PRKCG: variants seen among roughly 807,000 people sequenced by gnomAD.
PRKCG encodes the protein protein kinase C gamma, also known as protein kinase C gamma type.
A neutral mutation model predicts 82.0 loss-of-function variants in PRKCG; 28 were observed. The observed-to-expected ratio is 0.34, with a 90% CI of 0.25 to 0.47. The LOEUF (loss-of-function observed/expected upper bound fraction) is 0.47. PRKCG is among the 20% of genes least tolerant of loss of function. The probability of loss-of-function intolerance (pLI) is 1.00; values close to 1 mark genes in which losing one functional copy is unlikely to be tolerated. For synonymous variants in PRKCG, 383 were observed against 376.6 expected (o/e 1.02, Z -0.20); for missense variants, 640 against 952.7 (o/e 0.67, Z 4.32).
In PRKCG at chr19:53,900,445, G is replaced by C. The variant is rs1172209951; in HGVS notation, c.1400G>C (p.Gly467Ala). The C allele has an allele frequency of 6.2e-7, 1 of 1,614,036 alleles. No homozygotes were observed. The highest frequency in any genetic ancestry group is 8.5e-7 in the Non-Finnish European group (1 of 1,180,042). The change falls in exon 13 of 18, where the codon GGC becomes GCC. Residue 467 changes from glycine to alanine, a missense_variant. Around this residue, in one of 7 missense-constraint regions of PRKCG, gnomAD observed 78 missense variants for 105.6 expected, o/e 0.74. Transcript: ENST00000263431. The surrounding 1 kb of genome is among the most constrained non-coding windows in gnomAD (Gnocchi z 4.2). ...AAFYAAEIAI[G>A]LFFLHNQGII... The stretch of plus-strand genomic sequence containing the variant: ...TTCTACGCGGCAGAAATCGCTATCG[G>C]CCTCTTCTTCCTTCACAATCAGGGC...
chr19:53,888,543 C>G (rs774958927), intron 3 of PRKCG, among the ~76,000 whole-genome samples: 9 of 152,174 alleles, frequency 5.9e-5, no homozygotes, highest in Non-Finnish European at 1.3e-4. Flanking sequence ...CCAAATCACA[C>G]AGCTGAGAAG....
rs1432953948 is a variant in PRKCG at position 53,906,868 on chromosome 19, C to A, written c.2067C>A (p.Thr689=). The part of the protein sequence containing the change: ...DFVHPDARSP[T]SPVPVPVM Reference sequence around the variant, plus strand: ...TGCACCCGGATGCCCGCAGCCCCACCAGCCCAGTGCCTGTGCCCGTCATGT... The same window carrying A: ...TGCACCCGGATGCCCGCAGCCCCACAAGCCCAGTGCCTGTGCCCGTCATGT... Residue 689 remains threonine (T), a synonymous_variant, in exon 18 of 18, where the codon ACC becomes ACA. Coordinates refer to ENST00000263431, the MANE Select transcript of PRKCG (RefSeq NM_002739.5). The A allele has an allele frequency of 6.2e-7, 1 of 1,613,624 alleles. No individual in the cohort carries two copies.
chr19:53,894,739 C>T (rs531807599), intron 9 of PRKCG, among the ~76,000 whole-genome samples: 23 of 152,302 alleles, frequency 1.5e-4, no homozygotes, highest in South Asian at 8.3e-4. Context: ...AGATTAGAGG[C>T]GTGAGCGACC....
intron 3 of PRKCG, among the ~76,000 whole-genome samples, chr19:53,887,778 C>T (rs1161007784): frequency 6.9e-5 from 10 of 145,776 alleles, no homozygotes; most frequent in African/African-American, 1.8e-4. Flanking sequence ...TGCAGTGAGC[C>T]GAGATCACAC....
At chr19:53,906,099 T>TCTTCTTCTG (rs1568764051) in intron 16 of PRKCG, among the ~76,000 whole-genome samples, 1 of 88,894 alleles carries the variant, frequency 1.1e-5, no homozygotes, top group East Asian at 2.8e-4. Flanking sequence ...TTCTTCTTCT[T>TCTTCTTCTG]CTTCTTCTTC....
rs1187516612 is a variant in PRKCG at position 53,898,494 on chromosome 19, A to C, written c.1147A>C (p.Lys383Gln). 1.2e-6 allele frequency: 2 copies of C among 1,613,856 alleles called. No individual in the cohort carries two copies. The highest frequency in any genetic ancestry group is 1.7e-6 in the Non-Finnish European group (2 of 1,179,980). Residue 383 changes from lysine to glutamine, a missense_variant, in exon 11 of 18, where the codon AAA becomes CAA. Lys to Gln is a moderately conservative substitution (Grantham distance 53). Transcript: ENST00000263431. Reference protein sequence around the residue: ...SDELYAIKILKKDVIVQDDDV... With the variant: ...SDELYAIKILQKDVIVQDDDV... The stretch of plus-strand genomic sequence containing the variant: ...TGAGCTCTACGCCATCAAGATCTTG[A>C]AAAAGGACGTGATCGTCCAGGACGA...
chr19:53,898,680 C>T, intron 11 of PRKCG, 52 bp downstream of exon 11: 5 of 1,503,504 alleles, frequency 3.3e-6, no homozygotes, highest in Non-Finnish European at 4.5e-6. Context: ...TTATCCAGTT[C>T]TGGACATCTG....
intron 9 of PRKCG, among the ~76,000 whole-genome samples, chr19:53,894,204 T>C (rs1568756405): frequency 6.6e-6 from 1 of 152,122 alleles, no homozygotes; most frequent in Non-Finnish European, 1.5e-5. Flanking sequence ...TAGCTGGGAC[T>C]ACAGGCGCCC....
chr19:53,907,130 T>C lies in PRKCG; in HGVS notation c.*235T>C. 1.0e-6 allele frequency: 1 copy of C among 954,922 alleles called. No individual in the cohort carries two copies. Among genetic ancestry groups the C allele is most frequent in the South Asian group, 1.7e-5 (1 of 59,920 alleles). The allele number at this position is 954,922 out of a possible 1,614,324, so 59.2% of individuals were successfully genotyped here. A position where few individuals can be genotyped will look rare whatever the true frequency, so the allele number is the denominator to read the frequency against. Reference sequence around the variant, plus strand: ...CTTGAGCGGAGCCCGATATTCTCCCTGACCTTAGCGTTCTGGACTCTGCCC... The same window carrying C: ...CTTGAGCGGAGCCCGATATTCTCCCCGACCTTAGCGTTCTGGACTCTGCCC... On this transcript the variant is annotated 3_prime_UTR_variant, in exon 18 of 18. Coordinates refer to ENST00000263431, the MANE Select transcript of PRKCG (RefSeq NM_002739.5).
rs373098573 is a variant in PRKCG, at chr19:53,882,451, C to A, written c.-44C>A. 1.9e-6 allele frequency: 3 copies of A among 1,591,868 alleles called. No individual in the cohort carries two copies. The South Asian group carries it at 3.4e-5, about 18-fold the overall frequency. On this transcript the variant is annotated 5_prime_UTR_variant, in exon 1 of 18. Transcript: ENST00000263431. The surrounding 1 kb of genome is among the most constrained non-coding windows in gnomAD (Gnocchi z 6.1). Reference sequence around the variant, plus strand: ...GCTCCTCTCCCTTCCACCTGTTTCCCCCAAGAAAGGCAGGATCCTGGTCCC... The same window carrying A: ...GCTCCTCTCCCTTCCACCTGTTTCCACCAAGAAAGGCAGGATCCTGGTCCC...
chr19:53,906,972 A>G lies in PRKCG; in HGVS notation c.*77A>G, dbSNP rs774639759. On this transcript the variant is annotated 3_prime_UTR_variant, in exon 18 of 18. Coordinates refer to ENST00000263431, the MANE Select transcript of PRKCG (RefSeq NM_002739.5). ...GCAGCCCCACTTCACCCCCAACTTC[A>G]CCACCCCCTGTCCCATTCTAGATCC... The G allele has an allele frequency of 6.5e-7, 1 of 1,529,768 alleles. No homozygotes were observed. The highest frequency in any genetic ancestry group is 1.1e-5 in the South Asian group (1 of 87,684). The allele number at this position is 1,529,768 out of a possible 1,614,324, so 94.8% of individuals were successfully genotyped here.
Position 53,889,640 on chromosome 19 carries a change from C to G in PRKCG, c.288C>G (p.Asp96Glu). Residue 96 changes from aspartate (D) to glutamate (E), a missense_variant and splice_region_variant, in exon 4 of 18, where the codon GAC (aspartate) becomes GAG (glutamate). Asp to Glu is a conservative substitution (Grantham distance 45). This residue lies in a region of PRKCG where 50 missense variants were observed against 146.5 expected (regional missense o/e 0.34). Coordinates refer to ENST00000263431, the MANE Select transcript of PRKCG (RefSeq NM_002739.5). The surrounding 1 kb of genome is among the most constrained non-coding windows in gnomAD (Gnocchi z 4.4). The stretch of plus-strand genomic sequence containing the variant: ...AAGCCAGTCTTCTCTGCCCCCAGGA[C>G]CCCCGGAACAAACACAAGTTCCGCC... ...PGAGKGPQTD[D>E]PRNKHKFRLH... 6.2e-7 allele frequency: 1 copy of G among 1,613,694 alleles called. No homozygotes were observed. Among genetic ancestry groups the G allele is most frequent in the Non-Finnish European group, 8.5e-7 (1 of 1,179,638 alleles).
At chr19:53,893,169 TG>T in intron 8 of PRKCG, 94 bp downstream of exon 8, 1 of 1,338,692 alleles carries the variant, frequency 7.5e-7, no homozygotes, top group Non-Finnish European at 1.1e-6. Flanking sequence ...CCGCTGGTCC[TG>T]GGACTACAGT....
At position 53,892,772 on chromosome 19, in the gene PRKCG, ACACACACACG is replaced by A. The variant is rs201089150; in HGVS notation, c.821+147_821+156del. ...CATGCGCACACACACACACACACAC[ACACACACACG>A]CACACACACGCACACACCCCTCTCT... On this transcript the variant is annotated intron_variant, in intron 7 of 17. Coordinates refer to ENST00000263431, the MANE Select transcript of PRKCG (RefSeq NM_002739.5). The surrounding 1 kb of genome is among the most constrained non-coding windows in gnomAD (Gnocchi z 5.9). 461 of 1,086,938 alleles carry A rather than the reference ACACACACACG, an allele frequency of 4.2e-4. No individual in the cohort carries two copies. The highest frequency in any genetic ancestry group is 3.7e-3 in the Middle Eastern group (15 of 4,068). 67.3% of individuals were successfully genotyped at this position (1,086,938 alleles called of 1,614,324 possible). A position where few individuals can be genotyped will look rare whatever the true frequency, so the allele number is the denominator to read the frequency against.
At chr19:53,901,432 T>C (rs925443279) in intron 14 of PRKCG, among the ~76,000 whole-genome samples, 5 of 150,670 alleles carry the variant, frequency 3.3e-5, no homozygotes, top group Non-Finnish European at 5.9e-5. Flanking sequence ...TAATCCCAGC[T>C]ATTCGGGAGG....
chr19:53,891,307 C>T (rs1487977865), intron 5 of PRKCG, among the ~76,000 whole-genome samples: 52 of 148,602 alleles, frequency 3.5e-4, no homozygotes, highest in Middle Eastern at 3.4e-3. Flanking sequence ...GACGGAGTCT[C>T]GCTGTGACGC....
At chr19:53,906,171 T>A (rs2068808765) in intron 16 of PRKCG, 146 bp from the exon 17 acceptor site, 11 of 961,574 alleles carry the variant, frequency 1.1e-5, no homozygotes, top group Non-Finnish European at 1.6e-5. Flanking sequence ...CATTTGCCTG[T>A]TTCCCCTGGC....
intron 9 of PRKCG, among the ~76,000 whole-genome samples, chr19:53,894,316 C>T (rs1461699983): frequency 1.3e-5 from 2 of 148,692 alleles, no homozygotes; most frequent in Non-Finnish European, 3.0e-5. Flanking sequence ...CCACCCGCCT[C>T]AGCCTCCCAA....
chr19:53,890,262 CT>C (rs566904947), intron 5 of PRKCG, among the ~76,000 whole-genome samples: 1,628 of 146,780 alleles, frequency 0.011, 7 homozygotes, highest in Middle Eastern at 0.035. Flanking sequence ...CTTTGACTTT[CT>C]TTTTTTTTTT....
Sources: gnomAD v4.1 joint callset for allele counts (sites outside exome capture counted in the v4.1 genomes callset) on GRCh38, gnomAD v4.1.1 for gene constraint, gnomAD v4.1.1 regional missense constraint, Gnocchi (gnomAD v3.1) non-coding constraint, MANE v1.5 for transcripts, NCBI Gene and HGNC (gene_info 2026-07-23, HGNC 2026-07-21) for gene names.